Variants in PLXNA4 observed in about 807,000 individuals in gnomAD.
PLXNA4 encodes the protein plexin A4.
In PLXNA4, 44 loss-of-function variants were observed where a neutral mutation model predicts 191.8. That is an observed-to-expected ratio of 0.23 (90% CI 0.18 to 0.29). The LOEUF (loss-of-function observed/expected upper bound fraction) is 0.29. Among genes scored for constraint, PLXNA4 ranks in the 10% least tolerant of loss-of-function variants. PLXNA4 has a pLI of 1.00. For missense variants in PLXNA4, 1,800 were observed against 2,488.8 expected, an observed-to-expected ratio of 0.72 and a Z score of 5.89; for synonymous variants, 1,082 against 1,009.5, an observed-to-expected ratio of 1.07 and a Z score of -1.36.
chr7:132,647,956 C>G (rs977013837), intron 1 of PLXNA4, among the ~76,000 whole-genome samples: 2 of 152,016 alleles, frequency 1.3e-5, no homozygotes, highest in African/African-American at 4.8e-5. Context: ...CATTCACACA[C>G]AGTCACATAT....
intron 3 of PLXNA4, among the ~76,000 whole-genome samples, chr7:132,307,638 C>T (rs1040253371): frequency 3.9e-5 from 6 of 152,036 alleles, no homozygotes; most frequent in Admixed American, 6.5e-5. Flanking sequence ...CAGCCAGGCC[C>T]GCGTGGCCGG....
At chr7:132,326,434 C>T (rs984231204) in intron 3 of PLXNA4, among the ~76,000 whole-genome samples, 1 of 152,192 alleles carries the variant, frequency 6.6e-6, no homozygotes, top group African/African-American at 2.4e-5. Flanking sequence ...TGCTCTGATG[C>T]CCTCGAATGG....
At chr7:132,499,552 G>C (rs1798163985) in intron 2 of PLXNA4, among the ~76,000 whole-genome samples, 1 of 152,130 alleles carries the variant, frequency 6.6e-6, no homozygotes, top group Non-Finnish European at 1.5e-5. Flanking sequence ...AAATCCCACT[G>C]TCCCTCCTGG....
At chr7:132,532,180 A>T (rs1359393737) in intron 1 of PLXNA4, among the ~76,000 whole-genome samples, 1 of 152,236 alleles carries the variant, frequency 6.6e-6, no homozygotes, top group East Asian at 1.9e-4. Context: ...CATTAGAGTG[A>T]TCTAAAAAAC....
Position 132,133,064 on chromosome 7 carries a change from G to T in PLXNA4, c.5574C>A (p.Gly1858=), listed in dbSNP as rs190064899. The T allele has an allele frequency of 3.2e-3, 5,167 of 1,613,990 alleles. 18 individuals carry two copies. The highest frequency in any genetic ancestry group is 3.7e-3 in the Non-Finnish European group (4,391 of 1,179,960). The change falls in exon 31 of 32, where the codon GGC becomes GGA. Residue 1858 remains glycine, a synonymous_variant. Coordinates refer to ENST00000321063, the MANE Select transcript of PLXNA4 (RefSeq NM_020911.2). ...CAAAGCTTACCTCCTCGCTGTATTT[G>T]CCCACATAGGAGAAGATCTCTGAGA... ...SALSEIFSYV[G]KYSEEILGPL...
At chr7:132,421,596 A>C (rs1794852963) in intron 3 of PLXNA4, among the ~76,000 whole-genome samples, 1 of 149,324 alleles carries the variant, frequency 6.7e-6, no homozygotes, top group African/African-American at 2.5e-5. Context: ...TTTTTACCAC[A>C]GCTTCAGTTA....
At chr7:132,394,601 G>C (rs1048466958) in intron 3 of PLXNA4, among the ~76,000 whole-genome samples, 1 of 152,206 alleles carries the variant, frequency 6.6e-6, no homozygotes, top group African/African-American at 2.4e-5. Flanking sequence ...GTGATGTTGG[G>C]TAAATTCCTT....
At chr7:132,241,276 G>A (rs992913205) in intron 4 of PLXNA4, 110 bp from the exon 5 acceptor site, 26 of 742,220 alleles carry the variant, frequency 3.5e-5, no homozygotes, top group Admixed American at 1.1e-4. Context: ...AATGTTGCAG[G>A]AGCATGAAGG....
intron 2 of PLXNA4, among the ~76,000 whole-genome samples, chr7:132,494,333 C>T (rs1563132202): frequency 6.6e-6 from 1 of 152,156 alleles, no homozygotes. Flanking sequence ...AGCTCCACCC[C>T]AGACATATTG....
intron 1 of PLXNA4, among the ~76,000 whole-genome samples, chr7:132,542,366 G>T (rs1261349458): frequency 6.6e-6 from 1 of 152,138 alleles, no homozygotes; most frequent in African/African-American, 2.4e-5. Context: ...ATGAGGGCGT[G>T]GGGGAATAGT....
At chr7:132,366,993 C>T (rs942630742) in intron 3 of PLXNA4, among the ~76,000 whole-genome samples, 1 of 152,146 alleles carries the variant, frequency 6.6e-6, no homozygotes, top group African/African-American at 2.4e-5. Context: ...TAGTCTCAAA[C>T]TCCTGTGGCT....
intron 2 of PLXNA4, among the ~76,000 whole-genome samples, chr7:132,503,959 GC>G: frequency 6.6e-6 from 1 of 152,342 alleles, no homozygotes; most frequent in East Asian, 1.9e-4. Flanking sequence ...GGCGGAAGCT[GC>G]TGTTCCCACC....
chr7:132,256,596 C>A (rs1476558170), intron 4 of PLXNA4, among the ~76,000 whole-genome samples: 1 of 152,182 alleles, frequency 6.6e-6, no homozygotes, highest in African/African-American at 2.4e-5. Context: ...CTCCAAACTT[C>A]ACTGAGCAAC....
At chr7:132,531,465 A>G (rs899304915) in intron 1 of PLXNA4, among the ~76,000 whole-genome samples, 7 of 152,216 alleles carry the variant, frequency 4.6e-5, no homozygotes, top group African/African-American at 1.4e-4. Context: ...AGACAAGAAA[A>G]CTGAGTCACA....
In PLXNA4 at chr7:132,635,201, T is replaced by TAC. The variant is rs1803576094; in HGVS notation, c.-87+10725_-87+10726dup. On this transcript the variant is annotated intron_variant, in intron 2 of 4. Transcript: ENST00000378539. ...ATATATATATATATATATATATATA[T>TAC]ACGTATCCTATTAGTTCTATCGCTC... Among the ~76,000 whole-genome samples, 3 of 130,968 alleles carry TAC rather than the reference T, an allele frequency of 2.3e-5. No homozygotes were observed. In the Admixed American group the frequency reaches 2.3e-4, roughly 10 times the overall value. The allele number at this position is 130,968 out of a possible 152,430, so 85.9% of individuals were successfully genotyped here.
chr7:132,211,226 CCT>C (rs1379388485), intron 9 of PLXNA4, 83 bp from the exon 10 acceptor site: 5 of 1,403,002 alleles, frequency 3.6e-6, no homozygotes, highest in Non-Finnish European at 4.8e-6. Context: ...CCGGATGTTC[CCT>C]GTCTCCACCC....
chr7:132,608,771 G>A (rs995232837), intron 2 of PLXNA4, among the ~76,000 whole-genome samples: 4 of 152,100 alleles, frequency 2.6e-5, no homozygotes, highest in Non-Finnish European at 5.9e-5. Context: ...CCCTGGTGCA[G>A]CCAGATGGAT....
intron 2 of PLXNA4, among the ~76,000 whole-genome samples, chr7:132,596,927 A>G (rs1802720393): frequency 6.6e-6 from 1 of 151,646 alleles, no homozygotes; most frequent in South Asian, 2.1e-4. Context: ...CTGAAGAAGC[A>G]GAATAAAAGT....
chr7:132,643,333 C>T (rs1034549681), intron 2 of PLXNA4, among the ~76,000 whole-genome samples: 6 of 152,112 alleles, frequency 3.9e-5, no homozygotes, highest in Admixed American at 1.3e-4. Flanking sequence ...AAGTTCAGAG[C>T]CCCCACAGTG....
Sources: gnomAD v4.1 joint callset for allele counts (sites outside exome capture counted in the v4.1 genomes callset) on GRCh38, gnomAD v4.1.1 for gene constraint, MANE v1.5 for transcripts, NCBI Gene and HGNC (gene_info 2026-07-23, HGNC 2026-07-21) for gene names.